The following CTNND2 variants were observed in gnomAD, a reference collection of about 807,000 sequenced individuals.
The protein encoded by CTNND2 is catenin delta-2.
In CTNND2, 22 loss-of-function variants were observed where a neutral mutation model predicts 144.4. The ratio of observed to expected loss-of-function variants is 0.15; its 90% CI spans 0.11 to 0.22. The LOEUF is 0.22. Ranked by LOEUF, CTNND2 falls within the 10% of genes least tolerant of loss-of-function variation. The pLI is 1.00. For synonymous variants in CTNND2, 751 were observed against 695.6 expected (o/e 1.08, Z -1.25); for missense variants, 1,353 against 1,618.8 (o/e 0.84, Z 2.82).
At chr5:11,718,928 T>C (rs1171214123) in intron 2 of CTNND2, among the ~76,000 whole-genome samples, 3 of 152,230 alleles carry the variant, frequency 2.0e-5, no homozygotes, top group Non-Finnish European at 4.4e-5. Flanking sequence ...TAGTCTTTAC[T>C]GCTTAATTGT....
chr5:11,209,117 G>C (rs761677520), intron 10 of CTNND2, among the ~76,000 whole-genome samples: 3 of 152,072 alleles, frequency 2.0e-5, no homozygotes, highest in African/African-American at 2.4e-5. Context: ...TATTGAAAAG[G>C]CTATAAATTC....
chr5:11,820,335 T>C (rs1207912101), intron 1 of CTNND2, among the ~76,000 whole-genome samples: 1 of 152,186 alleles, frequency 6.6e-6, no homozygotes, highest in Non-Finnish European at 1.5e-5. Flanking sequence ...TTTCACTCCA[T>C]GGGACTATAA....
chr5:11,632,295 C>G (rs922541874), intron 2 of CTNND2, among the ~76,000 whole-genome samples: 1 of 152,138 alleles, frequency 6.6e-6, no homozygotes, highest in African/African-American at 2.4e-5. Flanking sequence ...TAAAAAGAGA[C>G]AGTGAGACAG....
At chr5:11,640,533 A>G (rs759681773) in intron 2 of CTNND2, among the ~76,000 whole-genome samples, 2 of 152,212 alleles carry the variant, frequency 1.3e-5, no homozygotes, top group Admixed American at 6.5e-5. Flanking sequence ...AACAAATAGC[A>G]TATCTTTGTA....
chr5:10,983,363 G>A (rs1160106240), intron 20 of CTNND2, among the ~76,000 whole-genome samples: 2 of 152,052 alleles, frequency 1.3e-5, no homozygotes, highest in Non-Finnish European at 2.9e-5. Flanking sequence ...CTAAAACTAG[G>A]AAGGGCTCAT....
intron 16 of CTNND2, among the ~76,000 whole-genome samples, chr5:11,047,434 C>T (rs1176794668): frequency 6.6e-6 from 1 of 152,142 alleles, no homozygotes; most frequent in African/African-American, 2.4e-5. Flanking sequence ...CACAATTATC[C>T]ACCAAGGGGT....
chr5:11,176,953 T>C (rs10513080), intron 11 of CTNND2, among the ~76,000 whole-genome samples: 8,188 of 152,248 alleles, frequency 0.054, 308 homozygotes, highest in South Asian at 0.13. Context: ...CATCTAAAAG[T>C]CCAAGTTTGT....
intron 7 of CTNND2, among the ~76,000 whole-genome samples, chr5:11,381,392 A>G (rs949381850): frequency 6.6e-6 from 1 of 152,160 alleles, no homozygotes; most frequent in African/African-American, 2.4e-5. Context: ...CAAGACTTAC[A>G]AGGCCTCTCA....
chr5:11,841,672 G>C (rs781682190), intron 1 of CTNND2, among the ~76,000 whole-genome samples: 1 of 152,060 alleles, frequency 6.6e-6, no homozygotes, highest in African/African-American at 2.4e-5. Flanking sequence ...TTCAGCAGGG[G>C]TGACATTATA....
In CTNND2 at chr5:11,619,234, C is replaced by T. The variant is rs979874307; in HGVS notation, c.175-54178G>A. On this transcript the variant is annotated intron_variant, in intron 2 of 21. Coordinates refer to ENST00000304623, the MANE Select transcript of CTNND2 (RefSeq NM_001332.4). ...ACCAGCCTGGCCAACATGATGAAAA[C>T]CCATCTCTACTAAAAATACAAAAAG... Among the ~76,000 whole-genome samples the T allele has an allele frequency of 2.6e-5, 4 of 152,150 alleles. No individual in the cohort carries two copies. The East Asian group carries it at 5.8e-4, about 22-fold the overall frequency.
chr5:11,802,300 G>C (rs1791734072), intron 1 of CTNND2, among the ~76,000 whole-genome samples: 2 of 151,552 alleles, frequency 1.3e-5, no homozygotes, highest in African/African-American at 4.8e-5. Flanking sequence ...AAGTGCAGTG[G>C]CTCATGCCTG....
chr5:11,139,914 A>T (rs761442191), intron 12 of CTNND2, among the ~76,000 whole-genome samples: 29 of 152,212 alleles, frequency 1.9e-4, no homozygotes, highest in Middle Eastern at 3.4e-3. Context: ...ATCTTGGCTC[A>T]TGGCTGCTTC....
At chr5:11,025,923 A>G (rs927841132) in intron 16 of CTNND2, among the ~76,000 whole-genome samples, 1 of 152,194 alleles carries the variant, frequency 6.6e-6, no homozygotes, top group Admixed American at 6.5e-5. Flanking sequence ...TTCAGAGGGT[A>G]AAAGAAGTTA....
Position 11,115,032 on chromosome 5 carries a change from C to T in CTNND2, c.2277+2418G>A, listed in dbSNP as rs1219951674. ...GAGTTGAGGTCAGTTGGATATGGTG[C>T]TCCAGCCAGTGGGAGGTGGAGATGG... On this transcript the variant is annotated intron_variant, in intron 13 of 21. Transcript: ENST00000304623. Among the ~76,000 whole-genome samples, 4 of 152,172 alleles carry T rather than the reference C, an allele frequency of 2.6e-5. No individual in the cohort carries two copies. In the East Asian group the frequency reaches 7.7e-4, roughly 29 times the overall value.
chr5:11,602,783 G>A (rs532451159), intron 2 of CTNND2, among the ~76,000 whole-genome samples: 1 of 143,352 alleles, frequency 7.0e-6, no homozygotes, highest in African/African-American at 2.5e-5. Context: ...TAAATTAATA[G>A]ATATAAATAT....
chr5:11,324,862 T>C (rs1420287276), intron 9 of CTNND2, among the ~76,000 whole-genome samples: 1 of 152,158 alleles, frequency 6.6e-6, no homozygotes, highest in African/African-American at 2.4e-5. Context: ...TAAGTTTGCT[T>C]CTGAAATTTA....
intron 3 of CTNND2, among the ~76,000 whole-genome samples, chr5:11,444,502 G>C (rs1021360044): frequency 2.6e-5 from 4 of 152,140 alleles, no homozygotes; most frequent in African/African-American, 9.7e-5. Flanking sequence ...ATAAGATGAA[G>C]GGCAGTCTGA....
chr5:11,725,799 T>C (rs1786985219), intron 2 of CTNND2, among the ~76,000 whole-genome samples: 1 of 152,230 alleles, frequency 6.6e-6, no homozygotes, highest in Admixed American at 6.5e-5. Context: ...TGTCTGTTCT[T>C]TTTAAAAAAC....
chr5:11,546,301 A>T (rs1002060234), intron 3 of CTNND2, among the ~76,000 whole-genome samples: 11 of 149,444 alleles, frequency 7.4e-5, no homozygotes, highest in African/African-American at 1.5e-4. Flanking sequence ...TTTTTTTTCT[A>T]AAAAAAGCCC....
Sources: gnomAD v4.1 joint callset for allele counts (sites outside exome capture counted in the v4.1 genomes callset) on GRCh38, gnomAD v4.1.1 for gene constraint, MANE v1.5 for transcripts, NCBI Gene and HGNC (gene_info 2026-07-23, HGNC 2026-07-21) for gene names.